ACAD10: variants seen among roughly 807,000 people sequenced by gnomAD.
ACAD10 encodes the protein ACAD-10.
Under a neutral mutation model 116.8 loss-of-function variants are expected in ACAD10, and 112 were observed. That is an observed-to-expected ratio of 0.96 (90% CI 0.82 to 1.12). The LOEUF (loss-of-function observed/expected upper bound fraction) is 1.12. ACAD10 is among the 50% of genes most tolerant of loss of function. The pLI is 0.00. For missense variants in ACAD10, 1,259 were observed against 1,350.2 expected, an observed-to-expected ratio of 0.93 and a Z score of 1.06; for synonymous variants, 486 against 510.6, an observed-to-expected ratio of 0.95 and a Z score of 0.65.
intron 1 of ACAD10, chr12:111,690,534 C>T (rs1888008540): frequency 2.0e-5 from 3 of 151,936 alleles, no homozygotes; most frequent in Admixed American, 2.0e-4. Flanking sequence ...CCTGTAATTC[C>T]AGCACTTTGG....
At position 111,709,537 on chromosome 12, in the gene ACAD10, C is replaced by G; in HGVS notation, c.543C>G (p.Ser181=). Residue 181 remains serine (S), a synonymous_variant, in exon 5 of 21, where the codon TCC becomes TCG. Coordinates refer to ENST00000313698, the MANE Select transcript of ACAD10 (RefSeq NM_025247.6). The stretch of plus-strand genomic sequence containing the variant: ...TGTCCCTCCATCAGATTGTGGAGTC[C>G]TGCATGGAAGGGATCTGTAAGCCAG... ...DRKQFDVIVE[S]CMEGICKPDP... The G allele has an allele frequency of 6.3e-7, 1 of 1,596,106 alleles. No individual in the cohort carries two copies. The highest frequency in any genetic ancestry group is 1.1e-5 in the South Asian group (1 of 87,970).
intron 5 of ACAD10, 121 bp from the exon 6 acceptor site, chr12:111,712,377 G>A: frequency 3.3e-6 from 3 of 914,870 alleles, no homozygotes; most frequent in African/African-American, 3.4e-5. Context: ...CTCTGCACCT[G>A]TACTACCATG....
At chr12:111,704,046 C>A (rs1888425820) in intron 3 of ACAD10, among the ~76,000 whole-genome samples, 1 of 151,618 alleles carries the variant, frequency 6.6e-6, no homozygotes, top group South Asian at 2.1e-4. Flanking sequence ...AATAGGCAAA[C>A]CCATAGAGAT....
chr12:111,702,499 G>T (rs936206778), intron 3 of ACAD10, among the ~76,000 whole-genome samples, 189 bp downstream of exon 3: 1 of 152,174 alleles, frequency 6.6e-6, no homozygotes, highest in African/African-American at 2.4e-5. Flanking sequence ...GGGAGGCCCA[G>T]GGGGTGGATC....
At chr12:111,704,688 C>CTTTTTTTTTTTT (rs59745029) in intron 3 of ACAD10, among the ~76,000 whole-genome samples, 12 of 126,154 alleles carry the variant, frequency 9.5e-5, no homozygotes, top group Non-Finnish European at 1.3e-4. Context: ...TTCTTTCTTT[C>CTTTTTTTTTTTT]TTTTTTTTTT....
chr12:111,686,083 TC>T lies in ACAD10; in HGVS notation c.-169del. 9.5e-6 allele frequency: 2 copies of T among 210,324 alleles called. No individual in the cohort carries two copies. 13.0% of individuals were successfully genotyped at this position (210,324 alleles called of 1,614,324 possible). On this transcript the variant is annotated 5_prime_UTR_variant, in exon 1 of 21. Coordinates refer to ENST00000313698, the MANE Select transcript of ACAD10 (RefSeq NM_025247.6). ...TCTTCCGGACGCAATTTTGAGGAGG[TC>T]GGAGCGGAAGGACGTCGTGGAGATT... is the stretch of plus-strand genomic sequence containing the variant.
rs754284326 is a variant in ACAD10 at position 111,712,635 on chromosome 12, C to T, written c.828C>T (p.Asp276=). The change falls in exon 6 of 21, where the codon GAC becomes GAT. Residue 276 remains aspartate (D), a synonymous_variant. Coordinates refer to ENST00000313698, the MANE Select transcript of ACAD10 (RefSeq NM_025247.6). ...PKDSLQKYLK[D]LLGIQTTGPL... ...ATTCCTTGCAGAAGTACCTCAAAGA[C>T]TTACTGGGTATCCAGACCACAGGTA... 1 of 1,614,136 alleles carries T rather than the reference C, an allele frequency of 6.2e-7. No homozygotes were observed. Among genetic ancestry groups the T allele is most frequent in the Non-Finnish European group, 8.5e-7 (1 of 1,180,018 alleles).
intron 9 of ACAD10, among the ~76,000 whole-genome samples, chr12:111,729,210 T>C (rs1889316841): frequency 1.3e-5 from 2 of 152,144 alleles, no homozygotes; most frequent in East Asian, 1.9e-4. Flanking sequence ...AGCCAAAAAG[T>C]GATTTATGAA....
intron 2 of ACAD10, among the ~76,000 whole-genome samples, chr12:111,697,778 G>A (rs746114734): frequency 2.0e-5 from 3 of 151,582 alleles, no homozygotes; most frequent in Non-Finnish European, 4.4e-5. Flanking sequence ...TTAGAGACAG[G>A]TTTCACTGTG....
Position 111,721,744 on chromosome 12 carries a change from A to G in ACAD10, c.1061+5A>G. On this transcript the variant is annotated splice_donor_5th_base_variant and intron_variant, in intron 8 of 20. Coordinates refer to ENST00000313698, the MANE Select transcript of ACAD10 (RefSeq NM_025247.6). ...TGATCTCTGTGAAGATTCAAGGTAA[A>G]GTTCAGATGTTTTTGCTATTGCACT... The G allele has an allele frequency of 6.3e-7, 1 of 1,589,120 alleles. No homozygotes were observed. Among genetic ancestry groups the G allele is most frequent in the Non-Finnish European group, 8.6e-7 (1 of 1,162,172 alleles).
intron 2 of ACAD10, among the ~76,000 whole-genome samples, chr12:111,699,464 G>A (rs577792167): frequency 2.0e-5 from 3 of 152,104 alleles, no homozygotes; most frequent in South Asian, 2.1e-4. Flanking sequence ...AAAATTGCCC[G>A]TGTGTGTTGG....
At chr12:111,754,658 T>C (rs1208123392) in intron 19 of ACAD10, among the ~76,000 whole-genome samples, 1 of 152,192 alleles carries the variant, frequency 6.6e-6, no homozygotes, top group African/African-American at 2.4e-5. Context: ...TCTTTGACGC[T>C]GGCGTGCTAG....
At chr12:111,730,447 TGAAA>T in intron 10 of ACAD10, among the ~76,000 whole-genome samples, 1 of 152,066 alleles carries the variant, frequency 6.6e-6, no homozygotes, top group Non-Finnish European at 1.5e-5. Context: ...ATGAAAGGAT[TGAAA>T]GAGAGTGACA....
At chr12:111,747,428 T>C in intron 16 of ACAD10, 43 bp downstream of exon 16, 2 of 1,606,920 alleles carry the variant, frequency 1.2e-6, no homozygotes, top group Non-Finnish European at 1.7e-6. Flanking sequence ...CATCAGGGAG[T>C]CTGTGCTGTT....
chr12:111,723,476 C>A (rs1889101997), intron 8 of ACAD10, among the ~76,000 whole-genome samples: 1 of 143,280 alleles, frequency 7.0e-6, no homozygotes. Context: ...GGCTGACCCC[C>A]CCGCCTCCCT....
At chr12:111,699,459 T>TG (rs1888286553) in intron 2 of ACAD10, among the ~76,000 whole-genome samples, 1 of 152,120 alleles carries the variant, frequency 6.6e-6, no homozygotes, top group African/African-American at 2.4e-5. Flanking sequence ...TTTGAAAAAT[T>TG]GCCCGTGTGT....
chr12:111,746,149 A>T lies in ACAD10; in HGVS notation c.2121A>T (p.Lys707Asn), dbSNP rs781146771. 1.3e-5 allele frequency: 21 copies of T among 1,612,008 alleles called. No individual in the cohort carries two copies. The African/African-American group carries it at 2.1e-4, about 16-fold the overall frequency. ...ACTTATTTTCCCCATGATAGGAGAA[A>T]GCCAAAGCTGAAGGACTTTGGAACC... ...PSPLIEDLKE[K>N]AKAEGLWNLF... The change falls in exon 14 of 21, where the codon AAA becomes AAT. Residue 707 changes from lysine to asparagine, a missense_variant. By Grantham distance (94) the Lys-to-Asn change is moderately conservative. Transcript: ENST00000313698.
intron 8 of ACAD10, among the ~76,000 whole-genome samples, chr12:111,724,180 C>T (rs572900120): frequency 3.9e-4 from 52 of 134,368 alleles, no homozygotes; most frequent in Non-Finnish European, 6.8e-4. Flanking sequence ...ACATCTCAGA[C>T]GATGGGTGGC....
intron 3 of ACAD10, among the ~76,000 whole-genome samples, chr12:111,704,938 C>T (rs1489705971): frequency 6.6e-6 from 1 of 151,656 alleles, no homozygotes; most frequent in Non-Finnish European, 1.5e-5. Flanking sequence ...CTGCCTGCCT[C>T]AGCCTCCCAA....
Sources: allele counts gnomAD v4.1 joint callset (sites outside exome capture counted in the v4.1 genomes callset), GRCh38; gene constraint gnomAD v4.1.1; transcripts MANE v1.5; gene names NCBI Gene and HGNC (gene_info 2026-07-23, HGNC 2026-07-21).